CLIC5: variants seen among roughly 807,000 people sequenced by gnomAD.
CLIC5 encodes chloride intracellular channel protein 5.
A neutral mutation model predicts 24.7 loss-of-function variants in CLIC5; 20 were observed. The ratio of observed to expected loss-of-function variants is 0.81; its 90% CI spans 0.57 to 1.18. The LOEUF (loss-of-function observed/expected upper bound fraction) is 1.18, where lower values mean the gene tolerates loss of function less well. Ranked by LOEUF, CLIC5 falls within the 50% of genes most tolerant of loss-of-function variation. CLIC5 has a pLI of 0.00. For missense variants in CLIC5, 341 were observed against 326.1 expected, an observed-to-expected ratio of 1.05 and a Z score of -0.35; for synonymous variants, 159 against 135.6, an observed-to-expected ratio of 1.17 and a Z score of -1.20.
upstream of CLIC5, among the ~76,000 whole-genome samples, chr6:46,082,987 T>C (rs931273583): frequency 1.1e-4 from 17 of 152,232 alleles, no homozygotes; most frequent in Non-Finnish European, 2.4e-4. Context: ...ACATATTATA[T>C]ATATGTTGAA....
intron 1 of CLIC5, among the ~76,000 whole-genome samples, chr6:46,007,361 AC>A (rs1766623047): frequency 6.6e-6 from 1 of 152,148 alleles, no homozygotes; most frequent in Non-Finnish European, 1.5e-5. Flanking sequence ...GTGGACACTA[AC>A]CTTTCCAGGG....
At chr6:46,031,321 T>A (rs1767492033) in intron 1 of CLIC5, among the ~76,000 whole-genome samples, 1 of 152,102 alleles carries the variant, frequency 6.6e-6, no homozygotes, top group Non-Finnish European at 1.5e-5. Context: ...ATGAAAATAA[T>A]AAAATACAAT....
At chr6:46,094,959 A>C in the CLIC5 span, among the ~76,000 whole-genome samples, 1 of 152,232 alleles carries the variant, frequency 6.6e-6, no homozygotes, top group African/African-American at 2.4e-5. Context: ...TCTGAAATCT[A>C]GGTAGTAGAG....
At chr6:46,056,230 T>A (rs1249386501) in intron 1 of CLIC5, among the ~76,000 whole-genome samples, 1 of 152,110 alleles carries the variant, frequency 6.6e-6, no homozygotes, top group Non-Finnish European at 1.5e-5. Flanking sequence ...TGTATGGTGT[T>A]TTTTGAGGGG....
At chr6:45,963,214 T>C (rs1275081024) in intron 1 of CLIC5, among the ~76,000 whole-genome samples, 1 of 152,184 alleles carries the variant, frequency 6.6e-6, no homozygotes. Flanking sequence ...CTACCTGATA[T>C]TCGTCTTATA....
chr6:46,060,074 T>C (rs1482524388), intron 1 of CLIC5, among the ~76,000 whole-genome samples: 2 of 152,146 alleles, frequency 1.3e-5, no homozygotes, highest in African/African-American at 2.4e-5. Context: ...ATAAAAAAAT[T>C]AAAAAACAAG....
chr6:46,015,205 A>G (rs1477379063), intron 1 of CLIC5, among the ~76,000 whole-genome samples: 1 of 151,984 alleles, frequency 6.6e-6, no homozygotes, highest in Non-Finnish European at 1.5e-5. Context: ...TGGGCTCTGG[A>G]CTCGGACTCG....
At chr6:45,881,025 T>C (rs1762258744) in exon 7 of CLIC5, 2 of 397,874 alleles carry the variant, frequency 5.0e-6, no homozygotes, top group Non-Finnish European at 8.9e-6. Flanking sequence ...TTTAAACTCT[T>C]AGGTTTTTTT....
chr6:45,989,751 G>T (rs1765865936), intron 1 of CLIC5, among the ~76,000 whole-genome samples: 1 of 152,190 alleles, frequency 6.6e-6, no homozygotes, highest in South Asian at 2.1e-4. Flanking sequence ...GGGCAGAGTT[G>T]CAGGGAAAAT....
At chr6:45,905,879 C>G (rs994877523) in intron 5 of CLIC5, among the ~76,000 whole-genome samples, 5 of 152,122 alleles carry the variant, frequency 3.3e-5, no homozygotes, top group African/African-American at 4.8e-5. Flanking sequence ...TATTGAGTTA[C>G]TTTTTGTATA....
At chr6:46,036,613 T>C (rs185873458) in intron 1 of CLIC5, among the ~76,000 whole-genome samples, 29 of 152,318 alleles carry the variant, frequency 1.9e-4, no homozygotes, top group Non-Finnish European at 3.4e-4. Context: ...CCAGGCCGAC[T>C]GCAAAGTCTT....
At chr6:46,086,090 C>T in the CLIC5 span, among the ~76,000 whole-genome samples, 3 of 152,322 alleles carry the variant, frequency 2.0e-5, no homozygotes, top group South Asian at 4.1e-4. Context: ...TTTTTAAGCC[C>T]GTTGGAAAAG....
At chr6:46,047,843 A>T (rs75780864) in intron 1 of CLIC5, among the ~76,000 whole-genome samples, 2 of 10,432 alleles carry the variant, frequency 1.9e-4, no homozygotes, top group African/African-American at 5.4e-4. Flanking sequence ...TTCAAAAAAA[A>T]CAGAAAAAAC....
At chr6:46,095,794 T>G in the CLIC5 span, among the ~76,000 whole-genome samples, 6 of 152,210 alleles carry the variant, frequency 3.9e-5, no homozygotes, top group Non-Finnish European at 8.8e-5. Flanking sequence ...CCAACTCAGT[T>G]CCAAAGCTGC....
the CLIC5 span, among the ~76,000 whole-genome samples, chr6:46,117,133 G>A: frequency 6.6e-6 from 1 of 152,070 alleles, no homozygotes; most frequent in South Asian, 2.1e-4. Flanking sequence ...CTAGTGCACA[G>A]AGCCCCATGT....
rs200921503 is a variant in CLIC5 at position 45,958,421 on chromosome 6, A to ATTTT, written c.64-3178_64-3177insAAAA. The stretch of plus-strand genomic sequence containing the variant: ...CAATCAGGGAAGTGTCAAAAAGACA[A>ATTTT]TTATATATATATATATATATATATA... On this transcript the variant is annotated intron_variant, in intron 1 of 5. Coordinates refer to ENST00000339561, the MANE Select transcript of CLIC5 (RefSeq NM_016929.5). Among the ~76,000 whole-genome samples the ATTTT allele has an allele frequency of 2.3e-4, 17 of 72,938 alleles. 1 individual carries two copies. The highest frequency in any genetic ancestry group is 5.9e-4 in the South Asian group (1 of 1,704). 47.9% of individuals were successfully genotyped at this position (72,938 alleles called of 152,430 possible).
the CLIC5 span, among the ~76,000 whole-genome samples, chr6:46,124,926 A>T: frequency 6.6e-6 from 1 of 152,226 alleles, no homozygotes; most frequent in Non-Finnish European, 1.5e-5. Flanking sequence ...GTCAGGAAAC[A>T]ACAGGTACTG....
chr6:46,119,514 G>T, the CLIC5 span, among the ~76,000 whole-genome samples: 1 of 152,240 alleles, frequency 6.6e-6, no homozygotes, highest in African/African-American at 2.4e-5. Flanking sequence ...GAGCGACGCA[G>T]AAGATGGGTG....
chr6:45,931,229 A>G (rs1474495563), intron 4 of CLIC5, among the ~76,000 whole-genome samples: 1 of 152,220 alleles, frequency 6.6e-6, no homozygotes. Flanking sequence ...TGCAAAGCCT[A>G]AACTATTTAC....
Sources: allele counts gnomAD v4.1 joint callset (sites outside exome capture counted in the v4.1 genomes callset), GRCh38; gene constraint gnomAD v4.1.1; transcripts MANE v1.5; gene names NCBI Gene and HGNC (gene_info 2026-07-23, HGNC 2026-07-21).